CHIC2: variants seen among roughly 807,000 people sequenced by gnomAD.
The protein encoded by CHIC2 is cysteine rich hydrophobic domain 2.
In CHIC2, 14 loss-of-function variants were observed where a neutral mutation model predicts 25.9. The ratio of observed to expected loss-of-function variants is 0.54; its 90% CI spans 0.36 to 0.85. The LOEUF is 0.85. Among genes scored for constraint, CHIC2 ranks in the 40% least tolerant of loss-of-function variants. The pLI, the probability that CHIC2 is intolerant of heterozygous loss-of-function variation, is 0.01. For missense variants in CHIC2, 146 were observed against 202.0 expected (o/e 0.72, Z 1.68); for synonymous variants, 70 against 72.0 (o/e 0.97, Z 0.14).
At chr4:54,038,339 G>A (rs1037928244) in intron 3 of CHIC2, among the ~76,000 whole-genome samples, 2 of 152,022 alleles carry the variant, frequency 1.3e-5, no homozygotes, top group Admixed American at 1.3e-4. Flanking sequence ...TGAACAACTG[G>A]AAATCAAAAT....
At chr4:54,037,386 C>CA (rs1716422065) in intron 3 of CHIC2, among the ~76,000 whole-genome samples, 1 of 151,744 alleles carries the variant, frequency 6.6e-6, no homozygotes, top group African/African-American at 2.4e-5. Context: ...AACAAGAAGA[C>CA]AAAAAAGAAT....
chr4:54,036,727 G>C (rs1373484209), intron 3 of CHIC2, among the ~76,000 whole-genome samples: 1 of 151,912 alleles, frequency 6.6e-6, no homozygotes, highest in Non-Finnish European at 1.5e-5. Context: ...TAAAATAATA[G>C]TACCTCCACT....
chr4:54,034,030 T>G (rs889808285), intron 3 of CHIC2, among the ~76,000 whole-genome samples: 12 of 151,632 alleles, frequency 7.9e-5, no homozygotes, highest in African/African-American at 2.9e-4. Flanking sequence ...TCTGTCAATT[T>G]CTAAAAAAAA....
intron 3 of CHIC2, among the ~76,000 whole-genome samples, chr4:54,016,710 T>C (rs1359963374): frequency 2.0e-5 from 3 of 152,100 alleles, no homozygotes; most frequent in African/African-American, 4.8e-5. Context: ...TAATTAATCA[T>C]TGCACTTGAC....
chr4:54,031,230 C>T (rs1716219075), intron 3 of CHIC2, among the ~76,000 whole-genome samples: 1 of 150,660 alleles, frequency 6.6e-6, no homozygotes, highest in Admixed American at 6.6e-5. Context: ...CTCTCAAGGT[C>T]ACCCAGCTTC....
chr4:54,068,765 C>G (rs147160906), upstream of CHIC2, among the ~76,000 whole-genome samples: 1 of 152,190 alleles, frequency 6.6e-6, no homozygotes, highest in South Asian at 2.1e-4. Context: ...TTCCAGCACT[C>G]TCTACCTGGA....
intron 1 of CHIC2, among the ~76,000 whole-genome samples, chr4:54,059,062 T>C (rs1381749997): frequency 6.6e-6 from 1 of 152,202 alleles, no homozygotes; most frequent in Non-Finnish European, 1.5e-5. Context: ...AAACCTCAGT[T>C]AATTATCATA....
intron 3 of CHIC2, among the ~76,000 whole-genome samples, chr4:54,046,854 G>C (rs372804115): frequency 6.6e-6 from 1 of 152,196 alleles, no homozygotes; most frequent in Non-Finnish European, 1.5e-5. Context: ...CCATCAGAGT[G>C]AACAGGCAAC....
chr4:54,084,959 C>CAAAAAA, the CHIC2 span, among the ~76,000 whole-genome samples: 56 of 58,912 alleles, frequency 9.5e-4, no homozygotes, highest in African/African-American at 2.8e-3. Context: ...TGCTCTGTCT[C>CAAAAAA]AAAAAAAAAA....
At chr4:54,012,312 T>C (rs1344604578) in intron 5 of CHIC2, among the ~76,000 whole-genome samples, 5 of 151,990 alleles carry the variant, frequency 3.3e-5, no homozygotes, top group Non-Finnish European at 5.9e-5. Flanking sequence ...TATGATGGAG[T>C]GAAAATAATA....
chr4:54,033,999 C>T (rs777269066), intron 3 of CHIC2, among the ~76,000 whole-genome samples: 15 of 151,684 alleles, frequency 9.9e-5, no homozygotes, highest in Admixed American at 5.3e-4. Flanking sequence ...TGTCTGTATT[C>T]CATATGAATT....
At chr4:54,030,579 C>T (rs1456070088) in intron 3 of CHIC2, among the ~76,000 whole-genome samples, 1 of 143,556 alleles carries the variant, frequency 7.0e-6, no homozygotes, top group East Asian at 2.0e-4. Flanking sequence ...CACACATATA[C>T]AATATATAAA....
chr4:54,044,262 G>T (rs1402801472), intron 3 of CHIC2, among the ~76,000 whole-genome samples: 1 of 152,110 alleles, frequency 6.6e-6, no homozygotes, highest in Admixed American at 6.5e-5. Context: ...AGTTAACAAG[G>T]ATATCCAGGA....
chr4:54,043,715 A>G (rs540508490), intron 3 of CHIC2, among the ~76,000 whole-genome samples: 3 of 152,346 alleles, frequency 2.0e-5, no homozygotes, highest in Non-Finnish European at 4.4e-5. Flanking sequence ...AATTGTAAAG[A>G]CCATCAAAGC....
At chr4:54,056,219 T>C (rs1023509528) in intron 1 of CHIC2, among the ~76,000 whole-genome samples, 1 of 152,112 alleles carries the variant, frequency 6.6e-6, no homozygotes. Flanking sequence ...TGTATACTGA[T>C]GAAAATGCAC....
the CHIC2 span, among the ~76,000 whole-genome samples, chr4:54,083,370 AAAAATT>A: frequency 1.3e-5 from 2 of 152,130 alleles, no homozygotes; most frequent in South Asian, 4.1e-4. Context: ...ACTCTACATC[AAAAATT>A]TCCTCTTGGC....
At position 54,039,733 on chromosome 4, in the gene CHIC2, A is replaced by C. The variant is rs192293293; in HGVS notation, c.330+9222T>G. On this transcript the variant is annotated intron_variant, in intron 3 of 5. Coordinates refer to ENST00000263921, the MANE Select transcript of CHIC2 (RefSeq NM_012110.4). The stretch of plus-strand genomic sequence containing the variant: ...CCTAAAAATGAAAACTTGTGTTCAC[A>C]CAAAAACATGCATGTGAATGTTTAT... 3.9e-5 allele frequency among the ~76,000 whole-genome samples: 6 copies of C among 152,354 alleles called. No homozygotes were observed. In the East Asian group the frequency reaches 1.2e-3, roughly 29 times the overall value.
At chr4:54,075,661 C>G in the CHIC2 span, among the ~76,000 whole-genome samples, 2 of 152,200 alleles carry the variant, frequency 1.3e-5, no homozygotes, top group African/African-American at 4.8e-5. Flanking sequence ...TCAAGCAATT[C>G]TCGTGCCTCA....
chr4:54,018,640 GA>G (rs543213372), intron 3 of CHIC2, among the ~76,000 whole-genome samples: 2 of 151,356 alleles, frequency 1.3e-5, no homozygotes, highest in African/African-American at 2.4e-5. Context: ...GAGAGCTAAA[GA>G]AAAAAAATGT....
Sources: gnomAD v4.1 joint callset for allele counts (sites outside exome capture counted in the v4.1 genomes callset) on GRCh38, gnomAD v4.1.1 for gene constraint, MANE v1.5 for transcripts, NCBI Gene and HGNC (gene_info 2026-07-23, HGNC 2026-07-21) for gene names.